Variants in PRKG1 observed in about 807,000 individuals in gnomAD.
PRKG1 encodes cGMP-dependent protein kinase 1.
PRKG1 carries 35 observed loss-of-function variants against 88.1 expected under a neutral mutation model. The ratio of observed to expected loss-of-function variants is 0.40; its 90% CI spans 0.30 to 0.53. PRKG1 has a LOEUF of 0.53. Among genes scored for constraint, PRKG1 ranks in the 20% least tolerant of loss-of-function variants. The pLI is 0.59. For synonymous variants in PRKG1, 303 were observed against 292.5 expected (o/e 1.04, Z -0.37); for missense variants, 540 against 839.8 (o/e 0.64, Z 4.41).
chr10:51,046,634 G>C (rs996657767), intron 1 of PRKG1, among the ~76,000 whole-genome samples: 1 of 152,306 alleles, frequency 6.6e-6, no homozygotes, highest in Non-Finnish European at 1.5e-5. Context: ...CTTCTGCAAG[G>C]TTCACTACAC....
At chr10:51,985,050 T>C (rs1844118078) in intron 5 of PRKG1, among the ~76,000 whole-genome samples, 1 of 152,190 alleles carries the variant, frequency 6.6e-6, no homozygotes, top group African/African-American at 2.4e-5. Context: ...ATAAATACCA[T>C]AGGACATATA....
intron 3 of PRKG1, among the ~76,000 whole-genome samples, chr10:51,563,952 C>T (rs1422970247): frequency 6.6e-6 from 1 of 152,126 alleles, no homozygotes; most frequent in African/African-American, 2.4e-5. Flanking sequence ...AAAGAACTAA[C>T]TTCTTCTGTT....
intron 5 of PRKG1, chr10:51,907,845 G>A: frequency 6.4e-6 from 2 of 311,988 alleles, no homozygotes. Context: ...ATAGGAACTG[G>A]CATATTTCTC....
At chr10:51,547,699 C>A (rs1842474684) in intron 3 of PRKG1, among the ~76,000 whole-genome samples, 1 of 152,070 alleles carries the variant, frequency 6.6e-6, no homozygotes. Context: ...GCCCCATCTT[C>A]TCTTACCAAT....
chr10:51,172,235 T>C (rs1837044758), intron 2 of PRKG1, among the ~76,000 whole-genome samples: 1 of 152,068 alleles, frequency 6.6e-6, no homozygotes, highest in Admixed American at 6.6e-5. Context: ...ACACTCTATT[T>C]AAGCTGAATG....
intron 1 of PRKG1, among the ~76,000 whole-genome samples, chr10:51,127,472 G>A (rs925692956): frequency 2.6e-5 from 4 of 152,148 alleles, no homozygotes; most frequent in African/African-American, 9.7e-5. Flanking sequence ...ATGCTGGCGA[G>A]GCTGTGGAGA....
Position 52,293,793 on chromosome 10 carries a change from T to G in PRKG1, c.1963-9T>G, listed in dbSNP as rs1842324375. 5 of 1,606,472 alleles carry G rather than the reference T, an allele frequency of 3.1e-6. No homozygotes were observed. The highest frequency in any genetic ancestry group is 4.3e-6 in the Non-Finnish European group (5 of 1,176,144). On this transcript the variant is annotated splice_polypyrimidine_tract_variant and intron_variant, in intron 17 of 17. Transcript: ENST00000373980. ...AATCCACTAAAAAAAACCTGTCCATTTTTTACAGGTTGCATCACCCACAGA... is the reference window on the plus strand; with the variant it reads ...AATCCACTAAAAAAAACCTGTCCATGTTTTACAGGTTGCATCACCCACAGA...
chr10:51,370,249 G>A (rs1842673686), intron 2 of PRKG1, among the ~76,000 whole-genome samples: 1 of 152,084 alleles, frequency 6.6e-6, no homozygotes, highest in Non-Finnish European at 1.5e-5. Flanking sequence ...AACCATTGTT[G>A]TTGCTTTGTT....
intron 4 of PRKG1, among the ~76,000 whole-genome samples, chr10:51,896,946 T>G (rs1841865376): frequency 6.6e-6 from 1 of 152,210 alleles, no homozygotes; most frequent in African/African-American, 2.4e-5. Context: ...AGACAGCTAT[T>G]AATAGGTTGT....
intron 3 of PRKG1, among the ~76,000 whole-genome samples, chr10:51,628,615 T>C (rs1839435802): frequency 6.6e-6 from 1 of 152,210 alleles, no homozygotes; most frequent in Admixed American, 6.5e-5. Context: ...ATAAATTAAG[T>C]AGACTATTCT....
chr10:51,369,747 T>C (rs749560469), intron 2 of PRKG1, among the ~76,000 whole-genome samples: 2 of 152,028 alleles, frequency 1.3e-5, no homozygotes, highest in East Asian at 3.9e-4. Context: ...CTTTATTAAA[T>C]AGAGGGATTT....
intron 4 of PRKG1, among the ~76,000 whole-genome samples, chr10:51,859,527 G>C (rs757587324): frequency 8.0e-5 from 12 of 150,878 alleles, no homozygotes; most frequent in Admixed American, 6.6e-5. Context: ...AAGGAAAAAA[G>C]AAAGAAAATA....
At chr10:51,709,800 G>T (rs1445844826) in intron 3 of PRKG1, among the ~76,000 whole-genome samples, 1 of 152,202 alleles carries the variant, frequency 6.6e-6, no homozygotes, top group East Asian at 1.9e-4. Context: ...GGGAGGAGAG[G>T]TTCTGGGAAA....
intron 2 of PRKG1, among the ~76,000 whole-genome samples, chr10:51,305,140 G>T (rs1333984955): frequency 2.0e-5 from 3 of 152,102 alleles, no homozygotes; most frequent in African/African-American, 7.2e-5. Context: ...CATCCTATAG[G>T]AGCATAATCA....
At chr10:52,145,390 TA>T (rs1370536239) in intron 8 of PRKG1, among the ~76,000 whole-genome samples, 1 of 152,180 alleles carries the variant, frequency 6.6e-6, no homozygotes, top group Non-Finnish European at 1.5e-5. Context: ...AATAAGAAAA[TA>T]TAAAAGATTT....
At chr10:51,370,993 A>G (rs1232916086) in intron 2 of PRKG1, among the ~76,000 whole-genome samples, 2 of 152,070 alleles carry the variant, frequency 1.3e-5, no homozygotes, top group African/African-American at 4.8e-5. Flanking sequence ...TACACCCTCT[A>G]TATTCCAGCC....
At chr10:51,610,975 G>A (rs1665793891) in intron 3 of PRKG1, among the ~76,000 whole-genome samples, 1 of 151,854 alleles carries the variant, frequency 6.6e-6, no homozygotes, top group Admixed American at 6.6e-5. Context: ...GGACTGATAG[G>A]TGCAGCAAAC....
chr10:52,106,228 A>G (rs2132578036), intron 7 of PRKG1, among the ~76,000 whole-genome samples: 1 of 152,168 alleles, frequency 6.6e-6, no homozygotes, highest in East Asian at 1.9e-4. Flanking sequence ...ACTGAATTGG[A>G]CCTGTTGGAG....
At chr10:51,892,596 A>G (rs1033856252) in intron 4 of PRKG1, among the ~76,000 whole-genome samples, 1 of 152,098 alleles carries the variant, frequency 6.6e-6, no homozygotes, top group African/African-American at 2.4e-5. Flanking sequence ...CAAATAGCAA[A>G]CTCACTTGCT....
Sources: allele counts gnomAD v4.1 joint callset (sites outside exome capture counted in the v4.1 genomes callset), GRCh38; gene constraint gnomAD v4.1.1; transcripts MANE v1.5; gene names NCBI Gene and HGNC (gene_info 2026-07-23, HGNC 2026-07-21).